The following LIMS2 variants were observed in gnomAD, a reference collection of about 807,000 sequenced individuals.
LIMS2 encodes LIM zinc finger domain containing 2.
Under a neutral mutation model 45.3 loss-of-function variants are expected in LIMS2, and 30 were observed. That is an observed-to-expected ratio of 0.66 (90% CI 0.50 to 0.90). The LOEUF is 0.90. LIMS2 is among the 40% of genes least tolerant of loss of function. The pLI is 0.00. For synonymous variants in LIMS2, 173 were observed against 188.0 expected (o/e 0.92, Z 0.65); for missense variants, 485 against 468.7 (o/e 1.03, Z -0.32).
chr2:127,639,169 A>G lies in LIMS2; in HGVS notation c.*112T>C, dbSNP rs1682130141. 2.7e-6 allele frequency: 3 copies of G among 1,124,770 alleles called. No homozygotes were observed. The African/African-American group carries it at 4.7e-5, about 17-fold the overall frequency. 69.7% of individuals were successfully genotyped at this position (1,124,770 alleles called of 1,614,324 possible). On this transcript the variant is annotated 3_prime_UTR_variant, in exon 10 of 10. Transcript: ENST00000355119. ...AAGGGAGAAGGCAATGAGGAAAGAG[A>G]AAGGGAGGGTAAGATGCGGAGGGCA...
rs573570455 is a variant in LIMS2 at position 127,673,936 on chromosome 2, G to A, written c.11+1078C>T. ...AAGGCTTAGAGGTGACTCCAAGTCA[G>A]GGGAGCTAACTGGGAAGAGAGGCTT... On this transcript the variant is annotated intron_variant, in intron 1 of 9. Coordinates refer to ENST00000355119, the MANE Select transcript of LIMS2 (RefSeq NM_001161403.3). 1.2e-3 allele frequency: 716 copies of A among 579,922 alleles called. 4 individuals carry two copies. Among genetic ancestry groups the A allele is most frequent in the Non-Finnish European group, 2.0e-3 (655 of 322,110 alleles). 35.9% of individuals were successfully genotyped at this position (579,922 alleles called of 1,614,324 possible).
chr2:127,668,696 A>AAAAAAAAAAAAAAAAC (rs1685141307), intron 1 of LIMS2, among the ~76,000 whole-genome samples: 2 of 112,856 alleles, frequency 1.8e-5, no homozygotes, highest in Non-Finnish European at 3.7e-5. Flanking sequence ...AAAAAAAAAA[A>AAAAAAAAAAAAAAAAC]AAAAAAAAAA....
At position 127,671,366 on chromosome 2, in the gene LIMS2, G is replaced by C; in HGVS notation, c.11+3648C>G. 6.6e-6 allele frequency among the ~76,000 whole-genome samples: 1 copy of C among 151,902 alleles called. No homozygotes were observed. Among genetic ancestry groups the C allele is most frequent in the Non-Finnish European group, 1.5e-5 (1 of 68,000 alleles). ...GAGAATTGCTTGAACCTGGGAGGCA[G>C]AGGTTGCAGTGAGCTGAGATCACGC... is the stretch of plus-strand genomic sequence containing the variant. On this transcript the variant is annotated intron_variant, in intron 1 of 9. Transcript: ENST00000355119. The surrounding 1 kb of genome is among the most constrained non-coding windows in gnomAD (Gnocchi z 4.1).
chr2:127,652,378 C>T (rs1683901385), intron 4 of LIMS2: 1 of 168,738 alleles, frequency 5.9e-6, no homozygotes, highest in Non-Finnish European at 1.4e-5. Flanking sequence ...GCTGTAACCC[C>T]ACGCACAAGC....
intron 4 of LIMS2, among the ~76,000 whole-genome samples, chr2:127,648,778 G>A (rs984226900): frequency 3.2e-4 from 48 of 151,764 alleles, no homozygotes; most frequent in East Asian, 7.8e-4. Flanking sequence ...AAAATTAGCC[G>A]GGTGTGGTGG....
intron 7 of LIMS2, 137 bp downstream of exon 7, chr2:127,640,759 C>G: frequency 2.7e-6 from 2 of 735,450 alleles, no homozygotes; most frequent in African/African-American, 1.7e-5. Flanking sequence ...AGGCCAGGAG[C>G]CAGGGCTGAG....
chr2:127,679,693 G>T (rs946264142), upstream of LIMS2, among the ~76,000 whole-genome samples: 1 of 152,118 alleles, frequency 6.6e-6, no homozygotes, highest in African/African-American at 2.4e-5. The surrounding 1 kb of genome is among the most constrained non-coding windows in gnomAD (Gnocchi z 5.3). Flanking sequence ...GGGACCCAGG[G>T]CCAAGAGAGG....
At position 127,653,312 on chromosome 2, in the gene LIMS2, C is replaced by T. The variant is rs1573806121; in HGVS notation, c.359+1112G>A. On this transcript the variant is annotated intron_variant, in intron 4 of 9. Transcript: ENST00000355119. This position sits in a 1 kb window ranked among gnomAD's most constrained non-coding sequence, Gnocchi z 5.3. ...CTCTGGGGGTCGGCGCTGCCTCTCA[C>T]TGATACAGGGGACGCATGCAGAGGC... Among the ~76,000 whole-genome samples the T allele has an allele frequency of 1.3e-5, 2 of 152,138 alleles. No individual in the cohort carries two copies. Among genetic ancestry groups the T allele is most frequent in the Non-Finnish European group, 2.9e-5 (2 of 68,036 alleles).
intron 1 of LIMS2, among the ~76,000 whole-genome samples, chr2:127,665,558 A>G (rs950189706): frequency 7.2e-5 from 11 of 152,244 alleles, no homozygotes; most frequent in Non-Finnish European, 1.5e-4. Context: ...CAGTTCAACA[A>G]ATAGTTTTTA....
chr2:127,664,625 G>A lies in LIMS2; in HGVS notation c.12-7063C>T. On this transcript the variant is annotated intron_variant, in intron 1 of 9. Transcript: ENST00000355119. This position sits in a 1 kb window ranked among gnomAD's most constrained non-coding sequence, Gnocchi z 5.5. ...CGCGCCGCGGGGGCAGCTCCTGAAA[G>A]CTGAGGCTGGCGGGGGTTGGGTCCC... 9.1e-7 allele frequency: 1 copy of A among 1,103,224 alleles called. No homozygotes were observed. Among genetic ancestry groups the A allele is most frequent in the Middle Eastern group, 4.0e-4 (1 of 2,528 alleles). The allele number at this position is 1,103,224 out of a possible 1,614,324, so 68.3% of individuals were successfully genotyped here. A position where few individuals can be genotyped will look rare whatever the true frequency, so the allele number is the denominator to read the frequency against.
intron 4 of LIMS2, among the ~76,000 whole-genome samples, chr2:127,649,098 G>GAAAAA (rs376579491): frequency 2.2e-4 from 27 of 125,490 alleles, no homozygotes; most frequent in Non-Finnish European, 3.0e-4. Context: ...AAAGAAAAAA[G>GAAAAA]AAAAGAAAAA....
chr2:127,660,934 G>C (rs1465994827), intron 1 of LIMS2, among the ~76,000 whole-genome samples: 1 of 151,570 alleles, frequency 6.6e-6, no homozygotes, highest in Non-Finnish European at 1.5e-5. Flanking sequence ...GGGGTGGGGG[G>C]GGCGGATGTG....
Position 127,657,586 on chromosome 2 carries a change from T to C in LIMS2, c.12-24A>G. ...TGCTGGGGGCAGGAGACAGGAGGAG[T>C]GAGTCAGAGCTGGTCAGGGGTGCAG... On this transcript the variant is annotated intron_variant, in intron 1 of 9. Transcript: ENST00000355119. The C allele has an allele frequency of 1.9e-6, 3 of 1,580,026 alleles. No homozygotes were observed. The South Asian group carries it at 3.6e-5, about 19-fold the overall frequency.
chr2:127,661,722 A>G (rs944328681), intron 1 of LIMS2, among the ~76,000 whole-genome samples: 1 of 152,228 alleles, frequency 6.6e-6, no homozygotes, highest in Non-Finnish European at 1.5e-5. Flanking sequence ...TTGACAGCCA[A>G]TACAAGCCAA....
intron 1 of LIMS2, among the ~76,000 whole-genome samples, chr2:127,680,892 T>C (rs899151580): frequency 1.3e-5 from 2 of 152,170 alleles, no homozygotes; most frequent in African/African-American, 2.4e-5. Flanking sequence ...CAACACATCA[T>C]GCCGTCGAGT....
rs1461271971 is a variant in LIMS2, at chr2:127,654,738, G to A, written c.238+92C>T. 7 of 1,488,902 alleles carry A rather than the reference G, an allele frequency of 4.7e-6. 1 individual carries two copies. Among genetic ancestry groups the A allele is most frequent in the South Asian group, 2.3e-5 (2 of 86,906 alleles). 92.2% of individuals were successfully genotyped at this position (1,488,902 alleles called of 1,614,324 possible). ...AAGGTGGGGAGTTAGGAAAGAGCTG[G>A]GCCAGTTCTGTGTACCCCCTCGGCC... On this transcript the variant is annotated intron_variant, in intron 3 of 9. Transcript: ENST00000355119.
At position 127,654,522 on chromosome 2, in the gene LIMS2, G is replaced by A. The variant is rs1453787866; in HGVS notation, c.261C>T (p.Val87=). 4 of 1,614,000 alleles carry A rather than the reference G, an allele frequency of 2.5e-6. No individual in the cohort carries two copies. The highest frequency in any genetic ancestry group is 3.3e-5 in the Admixed American group (2 of 60,002). Residue 87 remains valine (V), a synonymous_variant, in exon 4 of 10, where the codon GTC becomes GTT. Coordinates refer to ENST00000355119, the MANE Select transcript of LIMS2 (RefSeq NM_001161403.3). ...GCCAGTTGTTGTTCATGGCCTTGAT[G>A]ACGCGGCCAATGATGAACTCACCTG... is the stretch of plus-strand genomic sequence containing the variant. ...GSCGEFIIGR[V]IKAMNNNWHP... is the part of the protein sequence containing the mutation.
At chr2:127,651,223 T>C (rs1399452643) in intron 4 of LIMS2, 5 of 1,608,278 alleles carry the variant, frequency 3.1e-6, no homozygotes, top group Non-Finnish European at 4.2e-6. Flanking sequence ...GCTGTGGCCA[T>C]GGCCCCGCTG....
At chr2:127,668,195 A>C (rs527547963) in intron 1 of LIMS2, among the ~76,000 whole-genome samples, 1 of 152,214 alleles carries the variant, frequency 6.6e-6, no homozygotes, top group Admixed American at 6.5e-5. Context: ...AAGATATCCC[A>C]TGTTCATGGA....
Sources: allele counts gnomAD v4.1 joint callset (sites outside exome capture counted in the v4.1 genomes callset), GRCh38; gene constraint gnomAD v4.1.1; non-coding constraint Gnocchi (gnomAD v3.1); transcripts MANE v1.5; gene names NCBI Gene and HGNC (gene_info 2026-07-23, HGNC 2026-07-21).